CCDC122: variants seen among roughly 807,000 people sequenced by gnomAD.
CCDC122 encodes coiled-coil domain containing 122, also known as coiled-coil domain-containing protein 122.
Under a neutral mutation model 37.0 loss-of-function variants are expected in CCDC122, and 38 were observed. The ratio of observed to expected loss-of-function variants is 1.03; its 90% confidence interval spans 0.79 to 1.35. CCDC122 has a LOEUF of 1.35. Among genes scored for constraint, CCDC122 ranks in the 40% most tolerant of loss-of-function variants. CCDC122 has a pLI of 0.00. For missense variants in CCDC122, 305 were observed against 310.0 expected (o/e 0.98, Z 0.12); for synonymous variants, 83 against 95.6 (o/e 0.87, Z 0.77).
At chr13:43,855,449 A>C (rs950254958) in intron 6 of CCDC122, 11 of 152,056 alleles carry the variant, frequency 7.2e-5, no homozygotes, top group Non-Finnish European at 1.6e-4. Flanking sequence ...TAGAACTATA[A>C]AATACTGCTC....
At chr13:43,847,022 A>C (rs1372385864) in intron 6 of CCDC122, among the ~76,000 whole-genome samples, 1 of 152,212 alleles carries the variant, frequency 6.6e-6, no homozygotes, top group East Asian at 1.9e-4. Flanking sequence ...GGGTTTGTTT[A>C]TTATGTTTGC....
Position 43,836,856 on chromosome 13 carries a change from C to CAAAA in CCDC122, c.*420_*423dup, listed in dbSNP as rs11420172. 1.3e-4 allele frequency: 11 copies of CAAAA among 81,956 alleles called. No individual in the cohort carries two copies. Among genetic ancestry groups the CAAAA allele is most frequent in the African/African-American group, 3.3e-4 (6 of 18,366 alleles). The allele number at this position is 81,956 out of a possible 1,614,324, so 5.1% of individuals were successfully genotyped here. On this transcript the variant is annotated 3_prime_UTR_variant, in exon 7 of 7. Transcript: ENST00000444614. ...TGGGCGACAGAGCGAGACTCCGTCT[C>CAAAA]AAAAAAAAAAAAAAAAAAAAAGTTC...
chr13:43,855,901 T>C (rs1953892085), intron 6 of CCDC122: 1 of 152,126 alleles, frequency 6.6e-6, no homozygotes, highest in African/African-American at 2.4e-5. Flanking sequence ...TAAAGACACA[T>C]ACACGTGTAA....
At position 43,860,079 on chromosome 13, in the gene CCDC122, C is replaced by G. The variant is rs1954056837; in HGVS notation, c.157-9G>C. On this transcript the variant is annotated splice_polypyrimidine_tract_variant and intron_variant, in intron 4 of 6. Transcript: ENST00000444614. ...AGCTCATGAAGTTCATTCTGTAATA[C>G]ATTTTAACATTATCATTATTAATTC... 1 of 1,360,580 alleles carries G rather than the reference C, an allele frequency of 7.3e-7. No homozygotes were observed. The highest frequency in any genetic ancestry group is 9.7e-7 in the Non-Finnish European group (1 of 1,026,714). The allele number at this position is 1,360,580 out of a possible 1,614,324, so 84.3% of individuals were successfully genotyped here.
At chr13:43,864,796 C>T (rs1594851158) in intron 4 of CCDC122, among the ~76,000 whole-genome samples, 2 of 151,926 alleles carry the variant, frequency 1.3e-5, no homozygotes, top group African/African-American at 2.4e-5. Flanking sequence ...ATCTTTTGTT[C>T]GAATGAATTA....
intron 6 of CCDC122, among the ~76,000 whole-genome samples, chr13:43,848,037 A>T (rs1310245732): frequency 6.6e-6 from 1 of 152,136 alleles, no homozygotes; most frequent in Non-Finnish European, 1.5e-5. Flanking sequence ...GGCCTCCCAA[A>T]GTGCTGGGAT....
At chr13:43,827,553 G>A (rs541670190) in intron 3 of CCDC122, among the ~76,000 whole-genome samples, 1 of 152,110 alleles carries the variant, frequency 6.6e-6, no homozygotes, top group Non-Finnish European at 1.5e-5. Context: ...GTTGACCCTC[G>A]AATAACACAG....
At chr13:43,829,553 G>A (rs2153868232) in intron 3 of CCDC122, among the ~76,000 whole-genome samples, 1 of 152,154 alleles carries the variant, frequency 6.6e-6, no homozygotes, top group Admixed American at 6.5e-5. Context: ...TGATCTGCCT[G>A]CCTTGACCTC....
At chr13:43,834,353 A>C (rs2153868708), downstream of CCDC122, among the ~76,000 whole-genome samples, 1 of 152,346 alleles carries the variant, frequency 6.6e-6, no homozygotes, top group African/African-American at 2.4e-5. Flanking sequence ...AACCATAAAA[A>C]CCCTAGAAGA....
intron 4 of CCDC122, among the ~76,000 whole-genome samples, chr13:43,862,611 A>C (rs1328521528): frequency 1.3e-5 from 2 of 152,150 alleles, no homozygotes; most frequent in East Asian, 3.8e-4. Context: ...TGTCTTCATT[A>C]CCACCATCTT....
chr13:43,834,033 A>G (rs1206213800), downstream of CCDC122, among the ~76,000 whole-genome samples: 1 of 152,098 alleles, frequency 6.6e-6, no homozygotes, highest in Admixed American at 6.5e-5. Context: ...CAGGCTTTGG[A>G]TACCTCAAAT....
chr13:43,841,873 C>T (rs1953366085), intron 6 of CCDC122, among the ~76,000 whole-genome samples: 1 of 152,014 alleles, frequency 6.6e-6, no homozygotes, highest in Admixed American at 6.6e-5. Context: ...ATCACACTGA[C>T]TAATTTTTTT....
In CCDC122 at chr13:43,858,747, A is replaced by G. The variant is rs77930776; in HGVS notation, c.672+34T>C. ...AGTGTTAAGTTTTAAAAATGGTCCC[A>G]TAAAACATTGAAATCTAGATAATTA... is the stretch of plus-strand genomic sequence containing the variant. On this transcript the variant is annotated intron_variant, in intron 6 of 6. Transcript: ENST00000444614. 5.8e-4 allele frequency: 764 copies of G among 1,323,944 alleles called. 18 individuals are homozygous for G. The East Asian group carries it at 0.021, about 36-fold the overall frequency. 82.0% of individuals were successfully genotyped at this position (1,323,944 alleles called of 1,614,324 possible).
intron 5 of CCDC122, 118 bp from the exon 6 acceptor site, chr13:43,859,015 A>C (rs1389879519): frequency 1.8e-5 from 14 of 791,362 alleles, no homozygotes; most frequent in Non-Finnish European, 2.4e-5. Flanking sequence ...AGTTTTGATA[A>C]ATAGCATTAG....
intron 6 of CCDC122, chr13:43,858,021 GTTA>G (rs1339727541): frequency 1.3e-5 from 2 of 152,054 alleles, no homozygotes; most frequent in African/African-American, 4.8e-5. Flanking sequence ...AAAAAGAATC[GTTA>G]TTTAGATTCC....
At chr13:43,875,409 A>G (rs1190915711) in intron 1 of CCDC122, among the ~76,000 whole-genome samples, 1 of 152,210 alleles carries the variant, frequency 6.6e-6, no homozygotes, top group Non-Finnish European at 1.5e-5. Flanking sequence ...CCTTATTTTG[A>G]AAAAGGAGTT....
downstream of CCDC122, among the ~76,000 whole-genome samples, chr13:43,835,651 GAATCTAT>G (rs1161499505): frequency 6.6e-6 from 1 of 152,054 alleles, no homozygotes; most frequent in East Asian, 1.9e-4. Flanking sequence ...ACAAGTTTTT[GAATCTAT>G]AACTCAAGGT....
intron 2 of CCDC122, among the ~76,000 whole-genome samples, chr13:43,872,878 A>G (rs1036087957): frequency 6.6e-6 from 1 of 152,062 alleles, no homozygotes; most frequent in African/African-American, 2.4e-5. Context: ...TTTAAAGCCA[A>G]GATCTTTGGT....
chr13:43,869,935 G>C (rs1954393687), intron 2 of CCDC122, among the ~76,000 whole-genome samples: 1 of 152,032 alleles, frequency 6.6e-6, no homozygotes, highest in Non-Finnish European at 1.5e-5. Context: ...ATTCTGGAGA[G>C]GGCAGGCCCT....
Sources: gnomAD v4.1 joint callset for allele counts (sites outside exome capture counted in the v4.1 genomes callset) on GRCh38, gnomAD v4.1.1 for gene constraint, MANE v1.5 for transcripts, NCBI Gene and HGNC (gene_info 2026-07-23, HGNC 2026-07-21) for gene names.